Variants in POU2F1 observed in about 807,000 individuals in gnomAD.
POU2F1 encodes POU domain, class 2, transcription factor 1.
In POU2F1, 16 loss-of-function variants were observed where a neutral mutation model predicts 84.9. The observed-to-expected ratio is 0.19, with a 90% confidence interval of 0.13 to 0.29. The LOEUF (loss-of-function observed/expected upper bound fraction) is 0.29. POU2F1 is among the 10% of genes least tolerant of loss of function. The probability of loss-of-function intolerance (pLI) is 1.00; values close to 1 mark genes in which losing one functional copy is unlikely to be tolerated. For missense variants in POU2F1, 738 were observed against 942.6 expected (o/e 0.78, Z 2.84); for synonymous variants, 368 against 368.3 (o/e 1.00, Z 0.01).
At chr1:167,259,055 T>C (rs536759995) in intron 1 of POU2F1, among the ~76,000 whole-genome samples, 2 of 152,344 alleles carry the variant, frequency 1.3e-5, no homozygotes, top group South Asian at 4.1e-4. Flanking sequence ...TTAACCAGGC[T>C]TACTCGTGTA....
intron 1 of POU2F1, among the ~76,000 whole-genome samples, chr1:167,303,093 T>C (rs1348629715): frequency 1.3e-5 from 2 of 152,198 alleles, no homozygotes; most frequent in Non-Finnish European, 2.9e-5. Flanking sequence ...AGCCAGTAGA[T>C]ACTTGTATTG....
At chr1:167,399,874 T>C (rs12068732) in intron 12 of POU2F1, among the ~76,000 whole-genome samples, 109,215 of 151,422 alleles carry the variant, frequency 0.72, 39,584 homozygotes, top group East Asian at 0.87. Context: ...AGGGTTTCAC[T>C]ATGTTGGCCA....
chr1:167,328,179 G>C (rs1471291111), intron 1 of POU2F1, among the ~76,000 whole-genome samples: 1 of 152,070 alleles, frequency 6.6e-6, no homozygotes, highest in Non-Finnish European at 1.5e-5. Flanking sequence ...GTAACAAACT[G>C]TCTTCTTTCT....
At chr1:167,259,913 C>G (rs1054674812) in intron 1 of POU2F1, among the ~76,000 whole-genome samples, 3 of 151,642 alleles carry the variant, frequency 2.0e-5, no homozygotes, top group South Asian at 2.1e-4. Context: ...GAGTCTCGCT[C>G]TGTCGCCCAG....
At chr1:167,301,445 A>G (rs1407723950) in intron 1 of POU2F1, among the ~76,000 whole-genome samples, 1 of 152,224 alleles carries the variant, frequency 6.6e-6, no homozygotes, top group Non-Finnish European at 1.5e-5. Context: ...CATAATTATT[A>G]TTTCACTAAA....
intron 1 of POU2F1, among the ~76,000 whole-genome samples, chr1:167,281,914 C>G (rs1221208810): frequency 1.3e-5 from 2 of 152,130 alleles, no homozygotes; most frequent in Non-Finnish European, 2.9e-5. Flanking sequence ...TTTTCCTCTA[C>G]TCATATTTTC....
Position 167,425,202 on chromosome 1 carries a change from A to G in POU2F1, c.*9392A>G, listed in dbSNP as rs72693663. The G allele has an allele frequency of 2.0e-5, 3 of 152,264 alleles. No homozygotes were observed. Among genetic ancestry groups the G allele is most frequent in the Non-Finnish European group, 2.9e-5 (2 of 68,026 alleles). The allele number at this position is 152,264 out of a possible 1,614,324, so 9.4% of individuals were successfully genotyped here. A position where few individuals can be genotyped will look rare whatever the true frequency, so the allele number is the denominator to read the frequency against. Reference sequence around the variant, plus strand: ...TTAGCCAGGTCATGATACTGCTGCTATAAGCCAGGGGAGGGTGGTTTCTTT... The same window carrying G: ...TTAGCCAGGTCATGATACTGCTGCTGTAAGCCAGGGGAGGGTGGTTTCTTT... On this transcript the variant is annotated 3_prime_UTR_variant, in exon 16 of 16. Transcript: ENST00000367866.
chr1:167,323,426 T>C (rs1235889238), intron 1 of POU2F1, among the ~76,000 whole-genome samples: 2 of 152,340 alleles, frequency 1.3e-5, no homozygotes, highest in Middle Eastern at 3.4e-3. Flanking sequence ...AAATGTAATA[T>C]AGCACAGGTT....
At chr1:167,299,771 A>G (rs796366554) in intron 1 of POU2F1, among the ~76,000 whole-genome samples, 8 of 148,082 alleles carry the variant, frequency 5.4e-5, no homozygotes, top group African/African-American at 2.1e-4. Flanking sequence ...TGCATTTTCT[A>G]TTTCATATTT....
intron 1 of POU2F1, among the ~76,000 whole-genome samples, chr1:167,307,762 A>C (rs1349687371): frequency 2.0e-5 from 3 of 152,198 alleles, no homozygotes; most frequent in Non-Finnish European, 2.9e-5. Flanking sequence ...GACCCTATTC[A>C]AATTTTGCCA....
chr1:167,388,653 G>A (rs566316402), intron 8 of POU2F1, among the ~76,000 whole-genome samples: 8 of 152,242 alleles, frequency 5.3e-5, no homozygotes, highest in Admixed American at 3.9e-4. Flanking sequence ...TAAGTCAGTG[G>A]TAGTGCTTAA....
intron 1 of POU2F1, among the ~76,000 whole-genome samples, chr1:167,261,797 A>ACC (rs1208031869): frequency 6.6e-6 from 1 of 152,002 alleles, no homozygotes; most frequent in Admixed American, 6.5e-5. Context: ...CGATTCTCAT[A>ACC]CCTCAGCCTC....
chr1:167,228,652 G>A (rs1648820723), intron 1 of POU2F1, among the ~76,000 whole-genome samples: 1 of 152,198 alleles, frequency 6.6e-6, no homozygotes, highest in South Asian at 2.1e-4. Flanking sequence ...TTATTAACCT[G>A]AGAAGCACAT....
At chr1:167,307,771 C>T (rs1283258252) in intron 1 of POU2F1, among the ~76,000 whole-genome samples, 1 of 152,118 alleles carries the variant, frequency 6.6e-6, no homozygotes, top group Non-Finnish European at 1.5e-5. Flanking sequence ...CAAATTTTGC[C>T]ACTTGTCCCC....
chr1:167,347,642 C>T (rs1658287377), intron 2 of POU2F1, among the ~76,000 whole-genome samples: 1 of 152,134 alleles, frequency 6.6e-6, no homozygotes, highest in South Asian at 2.1e-4. Context: ...AAAACATTTT[C>T]ATCACCCCCA....
At chr1:167,391,728 G>A (rs12068341) in intron 9 of POU2F1, among the ~76,000 whole-genome samples, 59,952 of 151,048 alleles carry the variant, frequency 0.4, 14,556 homozygotes, top group East Asian at 0.69. Context: ...CACCACACCC[G>A]GCTAATTTTT....
rs1649546313 is a variant in POU2F1, at chr1:167,237,404, A to C, written c.61+16446A>C. Among the ~76,000 whole-genome samples the C allele has an allele frequency of 3.3e-5, 5 of 152,204 alleles. No individual in the cohort carries two copies. In the South Asian group the frequency reaches 1.0e-3, roughly 31 times the overall value. ...CTCAGAAAAGAAACAGGTTACAGTA[A>C]CAGCCCTGTTGGTCTTGTTTGTTGT... On this transcript the variant is annotated intron_variant, in intron 1 of 15. Transcript: ENST00000367866.
intron 2 of POU2F1, among the ~76,000 whole-genome samples, chr1:167,339,296 C>T (rs767460352): frequency 1.3e-5 from 2 of 152,086 alleles, no homozygotes; most frequent in African/African-American, 4.8e-5. Context: ...TACCTTTTGC[C>T]GTGTCAGGTA....
chr1:167,418,948 A>AT lies in POU2F1; in HGVS notation c.*3139dup, dbSNP rs1031286029. Reference sequence around the variant, plus strand: ...TTTCTCTTTTTTTACTTATTTAAAAATAAGTTGTGAAATGAAAGGTACATT... The same window carrying AT: ...TTTCTCTTTTTTTACTTATTTAAAAATTAAGTTGTGAAATGAAAGGTACATT... On this transcript the variant is annotated 3_prime_UTR_variant, in exon 16 of 16. Transcript: ENST00000367866. 8 of 152,204 alleles carry AT rather than the reference A, an allele frequency of 5.3e-5. No individual in the cohort carries two copies. The highest frequency in any genetic ancestry group is 1.0e-4 in the Non-Finnish European group (7 of 68,038). The allele number at this position is 152,204 out of a possible 1,614,324, so 9.4% of individuals were successfully genotyped here.
Sources: gnomAD v4.1 joint callset for allele counts (sites outside exome capture counted in the v4.1 genomes callset) on GRCh38, gnomAD v4.1.1 for gene constraint, MANE v1.5 for transcripts, NCBI Gene and HGNC (gene_info 2026-07-23, HGNC 2026-07-21) for gene names.